Variants in COL14A1 observed in about 807,000 individuals in gnomAD.
The protein encoded by COL14A1 is collagen alpha-1(XIV) chain.
A neutral mutation model predicts 230.3 loss-of-function variants in COL14A1; 136 were observed. That is an observed-to-expected ratio of 0.59 (90% confidence interval 0.51 to 0.68). The LOEUF (loss-of-function observed/expected upper bound fraction) is 0.68, where lower values mean the gene tolerates loss of function less well. Ranked by LOEUF, COL14A1 falls within the 30% of genes least tolerant of loss-of-function variation. COL14A1 has a pLI of 0.00. For missense variants in COL14A1, 1,976 were observed against 2,215.8 expected (o/e 0.89, Z 2.17); for synonymous variants, 792 against 784.1 (o/e 1.01, Z -0.17).
At chr8:120,218,076 TATATA>T (rs1817813891) in intron 14 of COL14A1, among the ~76,000 whole-genome samples, 1 of 139,558 alleles carries the variant, frequency 7.2e-6, no homozygotes, top group Non-Finnish European at 1.5e-5. Context: ...TATATATAAA[TATATA>T]ATATATAAAT....
At chr8:120,191,307 G>C (rs1323032643) in intron 5 of COL14A1, among the ~76,000 whole-genome samples, 2 of 151,942 alleles carry the variant, frequency 1.3e-5, no homozygotes, top group Non-Finnish European at 1.5e-5. Context: ...TATGTACCCA[G>C]TAGTCATTCA....
chr8:120,180,633 C>A (rs1165998956), intron 5 of COL14A1, among the ~76,000 whole-genome samples: 2 of 151,736 alleles, frequency 1.3e-5, no homozygotes, highest in Non-Finnish European at 2.9e-5. Flanking sequence ...GCAATGAAGT[C>A]CCCCCCAGAG....
chr8:120,179,336 C>T (rs1816388557), intron 5 of COL14A1, among the ~76,000 whole-genome samples: 1 of 152,190 alleles, frequency 6.6e-6, no homozygotes, highest in African/African-American at 2.4e-5. Context: ...GCAACTTCAA[C>T]AAAGTCTCAA....
chr8:120,157,046 A>G (rs564804438), intron 2 of COL14A1, among the ~76,000 whole-genome samples: 3 of 152,242 alleles, frequency 2.0e-5, no homozygotes, highest in Non-Finnish European at 4.4e-5. Flanking sequence ...AGTATGTAAT[A>G]AAAACGTTCT....
intron 5 of COL14A1, among the ~76,000 whole-genome samples, chr8:120,168,453 G>A (rs1486449787): frequency 6.6e-6 from 1 of 152,112 alleles, no homozygotes; most frequent in Non-Finnish European, 1.5e-5. Flanking sequence ...ACCTTTCTCA[G>A]AATGGTGCAT....
At chr8:120,301,072 C>T (rs763752359) in intron 36 of COL14A1, among the ~76,000 whole-genome samples, 15 of 152,248 alleles carry the variant, frequency 9.9e-5, no homozygotes, top group South Asian at 2.1e-4. Context: ...ATGTCTCATA[C>T]TGGTCTATAT....
chr8:120,210,885 G>T (rs934466094), intron 12 of COL14A1, among the ~76,000 whole-genome samples: 1 of 151,700 alleles, frequency 6.6e-6, no homozygotes, highest in Non-Finnish European at 1.5e-5. Context: ...TTGTCTATTT[G>T]AATTTAAAGT....
At chr8:120,193,993 T>C (rs1471076131) in intron 5 of COL14A1, among the ~76,000 whole-genome samples, 1 of 152,186 alleles carries the variant, frequency 6.6e-6, no homozygotes, top group Non-Finnish European at 1.5e-5. Flanking sequence ...CCTGACCCCT[T>C]GCGCTTCCCG....
At chr8:120,163,965 T>A (rs971843118) in intron 4 of COL14A1, among the ~76,000 whole-genome samples, 12 of 152,192 alleles carry the variant, frequency 7.9e-5, no homozygotes, top group Non-Finnish European at 1.3e-4. Flanking sequence ...GACCAGAGAC[T>A]ACAGCAACAT....
In COL14A1 at chr8:120,247,652, A is replaced by G. The variant is rs1430190851; in HGVS notation, c.2519A>G (p.Glu840Gly). ...CCCCAGAACTTGCGGGTGTCCGAGG[A>G]ATGGTATAACCGGTTGCGCATTACG... ...SGPQNLRVSE[E>G]WYNRLRITWD... The change falls in exon 21 of 48, where the codon GAA (glutamate) becomes GGA (glycine). Residue 840 changes from glutamate to glycine, a missense_variant. Physicochemically the swap from Glu to Gly is moderately conservative, Grantham distance 98 (BLOSUM62 -2). Coordinates refer to ENST00000297848, the MANE Select transcript of COL14A1 (RefSeq NM_021110.4). The G allele has an allele frequency of 6.2e-7, 1 of 1,614,122 alleles. No homozygotes were observed. The highest frequency in any genetic ancestry group is 8.5e-7 in the Non-Finnish European group (1 of 1,180,012).
intron 36 of COL14A1, among the ~76,000 whole-genome samples, chr8:120,306,397 A>T (rs1436646687): frequency 2.6e-5 from 4 of 152,232 alleles, no homozygotes; most frequent in Admixed American, 2.6e-4. Flanking sequence ...AAAGCAATTG[A>T]AAATTTATAT....
chr8:120,210,042 C>T, intron 12 of COL14A1, 141 bp downstream of exon 12: 2 of 567,126 alleles, frequency 3.5e-6, no homozygotes, highest in Non-Finnish European at 5.3e-6. Context: ...AATCCCACCA[C>T]TGAGAGATAG....
chr8:120,198,011 C>T lies in COL14A1; in HGVS notation c.712+81C>T, dbSNP rs2305599. 300,222 of 1,366,930 alleles carry T rather than the reference C, an allele frequency of 0.22. 35,339 individuals carry two copies. The highest frequency in any genetic ancestry group is 0.42 in the East Asian group (17,374 of 41,198). The allele number at this position is 1,366,930 out of a possible 1,614,324, so 84.7% of individuals were successfully genotyped here. Reference sequence around the variant, plus strand: ...TTACCTCATTTTGCCACTTTGTAAGCGTTATCATAATGTTTTAATTAAACT... The same window carrying T: ...TTACCTCATTTTGCCACTTTGTAAGTGTTATCATAATGTTTTAATTAAACT... On this transcript the variant is annotated intron_variant, in intron 7 of 47. Coordinates refer to ENST00000297848, the MANE Select transcript of COL14A1 (RefSeq NM_021110.4).
intron 23 of COL14A1, among the ~76,000 whole-genome samples, chr8:120,260,511 A>G (rs1056290198): frequency 6.6e-6 from 1 of 152,164 alleles, no homozygotes; most frequent in Non-Finnish European, 1.5e-5. Flanking sequence ...TAACCACTAA[A>G]TGATATGTGT....
chr8:120,347,764 A>G (rs751331307), intron 45 of COL14A1, among the ~76,000 whole-genome samples: 19 of 152,244 alleles, frequency 1.2e-4, no homozygotes, highest in Non-Finnish European at 1.9e-4. Context: ...AATAAGAGCC[A>G]GAGACTGTGT....
At chr8:120,308,727 T>G (rs1054666669) in intron 36 of COL14A1, among the ~76,000 whole-genome samples, 2 of 152,222 alleles carry the variant, frequency 1.3e-5, no homozygotes, top group African/African-American at 4.8e-5. Context: ...GCTAATAGTG[T>G]ACAGAATCCC....
intron 22 of COL14A1, among the ~76,000 whole-genome samples, chr8:120,254,073 A>G (rs963487551): frequency 2.0e-4 from 31 of 152,362 alleles, no homozygotes; most frequent in African/African-American, 6.5e-4. Context: ...TATAAATTAT[A>G]GTTAGACAAG....
chr8:120,277,076 T>C (rs1819877859), intron 26 of COL14A1, among the ~76,000 whole-genome samples: 1 of 152,094 alleles, frequency 6.6e-6, no homozygotes, highest in African/African-American at 2.4e-5. Flanking sequence ...CAATTAAAAA[T>C]GATCCAAAAG....
chr8:120,188,623 T>C (rs774526498), intron 5 of COL14A1, among the ~76,000 whole-genome samples: 5 of 152,206 alleles, frequency 3.3e-5, no homozygotes, highest in Non-Finnish European at 7.3e-5. Context: ...TTAGGCATTT[T>C]TAAAAACACA....
Sources: allele counts gnomAD v4.1 joint callset (sites outside exome capture counted in the v4.1 genomes callset), GRCh38; gene constraint gnomAD v4.1.1; transcripts MANE v1.5; gene names NCBI Gene and HGNC (gene_info 2026-07-23, HGNC 2026-07-21).